Variants in KDSR observed in about 807,000 individuals in gnomAD.
KDSR encodes 3-dehydrosphinganine reductase.
Under a neutral mutation model 41.3 loss-of-function variants are expected in KDSR, and 23 were observed. The ratio of observed to expected loss-of-function variants is 0.56; its 90% CI spans 0.40 to 0.79. The LOEUF (loss-of-function observed/expected upper bound fraction) is 0.79. Among genes scored for constraint, KDSR ranks in the 30% least tolerant of loss-of-function variants. The pLI is 0.00. For missense variants in KDSR, 351 were observed against 416.8 expected (o/e 0.84, Z 1.37); for synonymous variants, 138 against 151.7 (o/e 0.91, Z 0.66).
chr18:63,352,227 T>C (rs1441360707), intron 5 of KDSR, among the ~76,000 whole-genome samples: 1 of 152,236 alleles, frequency 6.6e-6, no homozygotes, highest in African/African-American at 2.4e-5. Context: ...TTGAGATCAA[T>C]CATAATTTTT....
intron 3 of KDSR, among the ~76,000 whole-genome samples, chr18:63,357,993 T>C (rs1160968780): frequency 3.3e-5 from 5 of 152,040 alleles, no homozygotes; most frequent in African/African-American, 1.2e-4. Flanking sequence ...CTGATCAACA[T>C]GGTGAAACCC....
chr18:63,362,661 A>C, intron 2 of KDSR, 118 bp downstream of exon 2: 1 of 662,802 alleles, frequency 1.5e-6, no homozygotes, highest in Non-Finnish European at 2.7e-6. Context: ...CAGGAAACAC[A>C]TCTCACATCA....
chr18:63,355,398 C>A, intron 4 of KDSR, 99 bp from the exon 5 acceptor site: 1 of 1,606,792 alleles, frequency 6.2e-7, no homozygotes, highest in South Asian at 1.1e-5. Flanking sequence ...ACTATTAAAC[C>A]TATAGAGAAG....
chr18:63,332,743 A>G (rs1341931144), intron 9 of KDSR, among the ~76,000 whole-genome samples: 2 of 149,884 alleles, frequency 1.3e-5, no homozygotes, highest in Non-Finnish European at 3.0e-5. Context: ...GAGGCAGGAG[A>G]ATGGTGTGAA....
chr18:63,336,155 A>G, intron 8 of KDSR: 2 of 152,644 alleles, frequency 1.3e-5, no homozygotes, highest in Non-Finnish European at 2.9e-5. Flanking sequence ...TCAGACTCCC[A>G]AGTAGCTGGG....
chr18:63,336,261 C>G (rs1914153693), intron 8 of KDSR, among the ~76,000 whole-genome samples: 1 of 152,136 alleles, frequency 6.6e-6, no homozygotes, highest in Non-Finnish European at 1.5e-5. Context: ...AACCCCTGAG[C>G]TCAAGCAATC....
intron 3 of KDSR, among the ~76,000 whole-genome samples, chr18:63,357,768 G>C (rs1774091542): frequency 6.6e-6 from 1 of 151,386 alleles, no homozygotes; most frequent in Non-Finnish European, 1.5e-5. Context: ...GTAGAGACAG[G>C]GTTTCACCAC....
At position 63,328,947 on chromosome 18, in the gene KDSR, G is replaced by T; in HGVS notation, c.*2835C>A. On this transcript the variant is annotated 3_prime_UTR_variant, in exon 10 of 10. Coordinates refer to ENST00000645214, the MANE Select transcript of KDSR (RefSeq NM_002035.4). ...CATTTAAACTGAATGATAATTAAACGTTTACTACCATAGGTAATATTTACG... is the reference window on the plus strand; with the variant it reads ...CATTTAAACTGAATGATAATTAAACTTTTACTACCATAGGTAATATTTACG... 5.2e-6 allele frequency: 1 copy of T among 192,418 alleles called. No individual in the cohort carries two copies. Among genetic ancestry groups the T allele is most frequent in the African/African-American group, 2.3e-5 (1 of 43,076 alleles). The allele number at this position is 192,418 out of a possible 1,614,324, so 11.9% of individuals were successfully genotyped here.
chr18:63,338,191 C>CTA (rs1914239152), intron 8 of KDSR, among the ~76,000 whole-genome samples: 1 of 152,202 alleles, frequency 6.6e-6, no homozygotes, highest in Admixed American at 6.5e-5. Flanking sequence ...TCCAATGGTC[C>CTA]TATAGATTTT....
intron 3 of KDSR, among the ~76,000 whole-genome samples, chr18:63,358,479 G>T (rs886870907): frequency 3.3e-5 from 5 of 151,956 alleles, no homozygotes; most frequent in Non-Finnish European, 7.4e-5. Context: ...ATCTCATAAA[G>T]CTGTTAAAAA....
intron 4 of KDSR, 94 bp from the exon 5 acceptor site, chr18:63,355,393 T>G: frequency 6.2e-7 from 1 of 1,605,416 alleles, no homozygotes; most frequent in South Asian, 1.1e-5. Flanking sequence ...ACAAAACTAT[T>G]AAACCTATAG....
At chr18:63,335,559 G>A in intron 8 of KDSR, 1 of 532,814 alleles carries the variant, frequency 1.9e-6, no homozygotes, top group South Asian at 2.3e-5. Flanking sequence ...GACCCCTGCG[G>A]GCCCCCAAGG....
intron 6 of KDSR, chr18:63,346,060 G>C (rs1265596421): frequency 6.6e-6 from 1 of 151,974 alleles, no homozygotes; most frequent in Non-Finnish European, 1.5e-5. Context: ...AGGGCTTTAA[G>C]GGGAGCTTCA....
chr18:63,345,712 G>C (rs1442419080), intron 6 of KDSR: 2 of 152,012 alleles, frequency 1.3e-5, no homozygotes, highest in Non-Finnish European at 2.9e-5. Context: ...CCGAGGGGAG[G>C]GGGTGGATCA....
chr18:63,333,738 A>C (rs1212214924), intron 9 of KDSR, among the ~76,000 whole-genome samples: 1 of 152,176 alleles, frequency 6.6e-6, no homozygotes, highest in Non-Finnish European at 1.5e-5. Flanking sequence ...CACCAGATGG[A>C]CCCAACAAAA....
At chr18:63,333,550 A>C (rs1024553118) in intron 9 of KDSR, among the ~76,000 whole-genome samples, 3 of 152,172 alleles carry the variant, frequency 2.0e-5, no homozygotes, top group African/African-American at 7.2e-5. Flanking sequence ...TAGTGGTTGC[A>C]GGGACTGTGC....
intron 9 of KDSR, among the ~76,000 whole-genome samples, chr18:63,332,403 T>C (rs1174593354): frequency 1.3e-5 from 2 of 152,138 alleles, no homozygotes; most frequent in East Asian, 3.9e-4. Context: ...ATTACTGATA[T>C]CCTGTTGCTC....
rs1264221271 is a variant in KDSR, at chr18:63,362,718, C to T, written c.198+61G>A. 3.6e-6 allele frequency: 4 copies of T among 1,126,458 alleles called. No individual in the cohort carries two copies. The Admixed American group carries it at 7.2e-5, about 20-fold the overall frequency. 69.8% of individuals were successfully genotyped at this position (1,126,458 alleles called of 1,614,324 possible). On this transcript the variant is annotated intron_variant, in intron 2 of 9. Transcript: ENST00000645214. ...GTGAATGCTAAGATGTTTAGCACAG[C>T]CTCTTTGACTAATTTCAAGTCGAAG...
chr18:63,335,287 T>G lies in KDSR; in HGVS notation c.849A>C (p.Pro283=). Residue 283 remains proline, a synonymous_variant, in exon 9 of 10, where the codon CCA becomes CCC. Transcript: ENST00000645214. ...MLSALTCGMA[P]VTSITEGLQQ... is the part of the protein sequence containing the mutation. ...GGAGCCCCTCAGTAATAGAAGTTAC[T>G]GGAGCCATCCCACAGGTCAGGGCCG... 6.2e-7 allele frequency: 1 copy of G among 1,613,880 alleles called. No homozygotes were observed. The highest frequency in any genetic ancestry group is 8.5e-7 in the Non-Finnish European group (1 of 1,179,744).
Sources: allele counts gnomAD v4.1 joint callset (sites outside exome capture counted in the v4.1 genomes callset), GRCh38; gene constraint gnomAD v4.1.1; transcripts MANE v1.5; gene names NCBI Gene and HGNC (gene_info 2026-07-23, HGNC 2026-07-21).